FAM222B: variants seen among roughly 807,000 people sequenced by gnomAD.
FAM222B encodes the protein family with sequence similarity 222 member B, also known as protein FAM222B.
In FAM222B, 12 loss-of-function variants were observed where a neutral mutation model predicts 38.0. That is an observed-to-expected ratio of 0.32 (90% confidence interval 0.20 to 0.51). FAM222B has a LOEUF of 0.51. Among genes scored for constraint, FAM222B ranks in the 20% least tolerant of loss-of-function variants. FAM222B has a pLI of 0.97. For missense variants in FAM222B, 716 were observed against 754.2 expected, an observed-to-expected ratio of 0.95 and a Z score of 0.59; for synonymous variants, 329 against 317.2, an observed-to-expected ratio of 1.04 and a Z score of -0.40.
At chr17:28,787,678 A>C (rs1689583862) in intron 1 of FAM222B, among the ~76,000 whole-genome samples, 2 of 152,184 alleles carry the variant, frequency 1.3e-5, no homozygotes, top group Admixed American at 1.3e-4. Flanking sequence ...GTCAATCTAC[A>C]GGAAGGAAAA....
chr17:28,780,362 T>C lies in FAM222B; in HGVS notation c.-40-13655A>G, dbSNP rs556231268. On this transcript the variant is annotated intron_variant, in intron 1 of 2. Transcript: ENST00000581407. ...TCTGCAGATGACATGATCTTACATA[T>C]AGAAAACGCTAAAGACTCCAAAAAA... Among the ~76,000 whole-genome samples, 108 of 152,162 alleles carry C rather than the reference T, an allele frequency of 7.1e-4. 1 individual carries two copies. In the South Asian group the frequency reaches 0.018, roughly 25 times the overall value.
chr17:28,785,923 T>C (rs1462179307), intron 1 of FAM222B, among the ~76,000 whole-genome samples: 1 of 152,174 alleles, frequency 6.6e-6, no homozygotes, highest in Non-Finnish European at 1.5e-5. Context: ...TTAGCCAGGA[T>C]GGTCTCGATC....
At chr17:28,766,925 G>C in intron 1 of FAM222B, 1 of 449,842 alleles carries the variant, frequency 2.2e-6, no homozygotes, top group Non-Finnish European at 4.1e-6. Flanking sequence ...TACCACAGAT[G>C]TATGGATGGG....
upstream of FAM222B, among the ~76,000 whole-genome samples, chr17:28,844,362 T>TA (rs976523106): frequency 5.9e-5 from 9 of 152,020 alleles, no homozygotes; most frequent in Admixed American, 1.3e-4. Context: ...TGAGGAATGT[T>TA]AAAAAAATTT....
intron 1 of FAM222B, among the ~76,000 whole-genome samples, chr17:28,837,071 G>A (rs2038869028): frequency 6.6e-6 from 1 of 152,104 alleles, no homozygotes; most frequent in Non-Finnish European, 1.5e-5. Context: ...AGCCAAGATC[G>A]CACCCCTGCA....
rs769966107 is a variant in FAM222B, at chr17:28,758,771, G to A, written c.1188C>T (p.Arg396=). 2.4e-5 allele frequency: 38 copies of A among 1,571,582 alleles called. No individual in the cohort carries two copies. Among genetic ancestry groups the A allele is most frequent in the Middle Eastern group, 3.3e-4 (2 of 6,032 alleles). The part of the protein sequence containing the change: ...PGLTGKHAAG[R]ELAGPGFVGK... ...CCACAAAGCCAGGCCCTGCCAACTC[G>A]CGTCCTGCCGCATGCTTGCCTGTCA... The change falls in exon 3 of 3, where the codon CGC becomes CGT. Residue 396 remains arginine, a synonymous_variant. Transcript: ENST00000581407.
chr17:28,807,964 C>G (rs1405959269), intron 1 of FAM222B, among the ~76,000 whole-genome samples: 1 of 152,198 alleles, frequency 6.6e-6, no homozygotes, highest in East Asian at 1.9e-4. Flanking sequence ...TCTCATACCT[C>G]CTGCAGTATC....
intron 2 of FAM222B, among the ~76,000 whole-genome samples, chr17:28,762,494 G>C (rs1343298718): frequency 6.6e-6 from 1 of 151,350 alleles, no homozygotes; most frequent in Admixed American, 6.6e-5. Flanking sequence ...TGGGATGGTG[G>C]AGCGCACTTG....
intron 1 of FAM222B, among the ~76,000 whole-genome samples, chr17:28,820,549 C>A (rs1288410247): frequency 2.0e-5 from 3 of 152,128 alleles, no homozygotes; most frequent in Non-Finnish European, 2.9e-5. Context: ...ATAAGTCACT[C>A]CCATCAGGCC....
intron 2 of FAM222B, among the ~76,000 whole-genome samples, chr17:28,763,164 T>G (rs548736324): frequency 1.3e-5 from 2 of 152,220 alleles, no homozygotes; most frequent in South Asian, 2.1e-4. Flanking sequence ...GAGAAACCTG[T>G]ATTCAAGTAC....
intron 1 of FAM222B, among the ~76,000 whole-genome samples, chr17:28,813,245 CAAGAT>C (rs2037883743): frequency 2.0e-5 from 3 of 151,248 alleles, no homozygotes; most frequent in African/African-American, 7.3e-5. Context: ...AGTTAAATCC[CAAGAT>C]AACAATTCCT....
chr17:28,804,437 C>A (rs1313848761), intron 1 of FAM222B, among the ~76,000 whole-genome samples: 2 of 152,020 alleles, frequency 1.3e-5, no homozygotes, highest in African/African-American at 4.8e-5. Flanking sequence ...CGGGTTCAAG[C>A]GATTCTCCTG....
At chr17:28,790,884 C>CAATTTTTTTTTTTTTTTTTTTTTTTT (rs71135852) in intron 1 of FAM222B, among the ~76,000 whole-genome samples, 1 of 86,062 alleles carries the variant, frequency 1.2e-5, no homozygotes, top group African/African-American at 4.6e-5. Flanking sequence ...AATTGTTTCA[C>CAATTTTTTTTTTTTTTTTTTTTTTTT]TTTTTTTTTT....
chr17:28,759,310 G>C lies in FAM222B; in HGVS notation c.649C>G (p.Gln217Glu), dbSNP rs1439206736. Residue 217 changes from glutamine to glutamate, a missense_variant, in exon 3 of 3, where the codon CAG (glutamine) becomes GAG (glutamate). Coordinates refer to ENST00000581407, the MANE Select transcript of FAM222B (RefSeq NM_001077498.3). This position sits in a 1 kb window ranked among gnomAD's most constrained non-coding sequence, Gnocchi z 4.8. ...GGATTGTGGGGGTGCTGGAGACCCT[G>C]GTGAGCCAGGGCCTGAGGGTGGACC... is the stretch of plus-strand genomic sequence containing the variant. The part of the protein sequence containing the change: ...GLVHPQALAH[Q>E]GLQHPHNPLL... The C allele has an allele frequency of 1.2e-6, 2 of 1,611,758 alleles. No homozygotes were observed. Among genetic ancestry groups the C allele is most frequent in the South Asian group, 1.1e-5 (1 of 90,674 alleles).
At chr17:28,786,556 C>T (rs1751289489) in intron 1 of FAM222B, among the ~76,000 whole-genome samples, 1 of 152,140 alleles carries the variant, frequency 6.6e-6, no homozygotes, top group Non-Finnish European at 1.5e-5. Context: ...GACTTTAAGC[C>T]TACTCTCAAC....
At chr17:28,790,563 A>C (rs1383402879) in intron 1 of FAM222B, 1 of 152,204 alleles carries the variant, frequency 6.6e-6, no homozygotes. Flanking sequence ...TCCAGACTGG[A>C]GGAGACTAAG....
chr17:28,794,511 T>C (rs1597939381), intron 1 of FAM222B, among the ~76,000 whole-genome samples: 1 of 152,212 alleles, frequency 6.6e-6, no homozygotes, highest in African/African-American at 2.4e-5. Context: ...TGAGCCACAG[T>C]GCCCGGCCTG....
chr17:28,848,045 TG>T (rs1193787532), intron 1 of FAM222B, among the ~76,000 whole-genome samples: 1 of 151,996 alleles, frequency 6.6e-6, no homozygotes, highest in Non-Finnish European at 1.5e-5. Flanking sequence ...AAGGCTGAGG[TG>T]GGTGACTTGA....
At chr17:28,764,697 A>G (rs1265656431) in intron 2 of FAM222B, among the ~76,000 whole-genome samples, 1 of 152,096 alleles carries the variant, frequency 6.6e-6, no homozygotes, top group Non-Finnish European at 1.5e-5. Flanking sequence ...CGTTGAGCCG[A>G]GATCACGCCA....
Sources: allele counts gnomAD v4.1 joint callset (sites outside exome capture counted in the v4.1 genomes callset), GRCh38; gene constraint gnomAD v4.1.1; non-coding constraint Gnocchi (gnomAD v3.1); transcripts MANE v1.5; gene names NCBI Gene and HGNC (gene_info 2026-07-23, HGNC 2026-07-21).